KYNU: variants seen among roughly 807,000 people sequenced by gnomAD.
KYNU encodes kynureninase.
A neutral mutation model predicts 59.2 loss-of-function variants in KYNU; 54 were observed. The observed-to-expected ratio is 0.91, with a 90% CI of 0.73 to 1.14. The LOEUF is 1.14. KYNU is among the 50% of genes most tolerant of loss of function. The pLI is 0.00. For synonymous variants in KYNU, 177 were observed against 192.0 expected (o/e 0.92, Z 0.65); for missense variants, 567 against 554.4 (o/e 1.02, Z -0.23).
intron 10 of KYNU, among the ~76,000 whole-genome samples, chr2:143,012,537 A>C (rs1041693758): frequency 1.3e-5 from 2 of 152,012 alleles, no homozygotes; most frequent in African/African-American, 4.8e-5. Context: ...TGGAGTACAA[A>C]GGCCCATGTG....
chr2:143,028,488 C>A (rs538735431), intron 10 of KYNU, among the ~76,000 whole-genome samples: 1 of 149,422 alleles, frequency 6.7e-6, no homozygotes, highest in Non-Finnish European at 1.5e-5. Flanking sequence ...ATGATCCACC[C>A]GCCTTGGCCT....
rs1687286422 is a variant in KYNU at position 143,052,684 on chromosome 2, G to T, written c.*10512G>T. On this transcript the variant is annotated 3_prime_UTR_variant, in exon 14 of 14. Transcript: ENST00000264170. Reference sequence around the variant, plus strand: ...CACAGAAGTCAAGAACTGAGGTTTGGGAACTTACACCAAGATTTCAGAGGA... The same window carrying T: ...CACAGAAGTCAAGAACTGAGGTTTGTGAACTTACACCAAGATTTCAGAGGA... 6.6e-6 allele frequency: 1 copy of T among 152,244 alleles called. No individual in the cohort carries two copies. The highest frequency in any genetic ancestry group is 2.1e-4 in the South Asian group (1 of 4,832). The allele number at this position is 152,244 out of a possible 1,614,324, so 9.4% of individuals were successfully genotyped here.
In KYNU at chr2:142,877,734, C is replaced by G. The variant is rs1041294297; in HGVS notation, c.-22C>G. The G allele has an allele frequency of 6.6e-6, 1 of 152,180 alleles. No homozygotes were observed. The highest frequency in any genetic ancestry group is 6.5e-5 in the Admixed American group (1 of 15,268). 9.4% of individuals were successfully genotyped at this position (152,180 alleles called of 1,614,324 possible). On this transcript the variant is annotated splice_region_variant and 5_prime_UTR_variant, in exon 1 of 14. Transcript: ENST00000264170. ...GCCAAACACTCCATTGGGATCCTAG[C>G]TGGTAAGCTTGAGGCGCTGATAAAA...
chr2:142,905,694 A>ATT (rs1682268921), intron 2 of KYNU, among the ~76,000 whole-genome samples: 1 of 152,108 alleles, frequency 6.6e-6, no homozygotes, highest in South Asian at 2.1e-4. Context: ...TCTAAAGGTT[A>ATT]TTTTTCTACT....
chr2:142,989,586 G>A (rs965122140), intron 10 of KYNU: 6 of 731,250 alleles, frequency 8.2e-6, no homozygotes, highest in African/African-American at 1.9e-5. Context: ...GTATTTTGAA[G>A]TATATATGTT....
chr2:142,978,299 T>C (rs952996979), intron 8 of KYNU, among the ~76,000 whole-genome samples: 2 of 152,174 alleles, frequency 1.3e-5, no homozygotes, highest in African/African-American at 4.8e-5. Context: ...AATTTCCCAT[T>C]ATACTTTTTA....
intron 10 of KYNU, among the ~76,000 whole-genome samples, chr2:142,995,539 T>G (rs1267824630): frequency 1.3e-5 from 2 of 152,154 alleles, no homozygotes; most frequent in Non-Finnish European, 2.9e-5. Context: ...ATGAATATTT[T>G]ATTAAACTAG....
chr2:143,055,330 C>T lies in KYNU; in HGVS notation c.*13158C>T, dbSNP rs1178350715. 3.9e-5 allele frequency: 6 copies of T among 152,074 alleles called. No homozygotes were observed. Among genetic ancestry groups the T allele is most frequent in the Non-Finnish European group, 7.4e-5 (5 of 68,024 alleles). 9.4% of individuals were successfully genotyped at this position (152,074 alleles called of 1,614,324 possible). ...TACTTTTTTTAGATTCTAGAGGCTT[C>T]CCACAATCCTTGGCTTAAGGTCCAT... On this transcript the variant is annotated 3_prime_UTR_variant, in exon 14 of 14. Coordinates refer to ENST00000264170, the MANE Select transcript of KYNU (RefSeq NM_003937.3).
intron 10 of KYNU, among the ~76,000 whole-genome samples, chr2:143,022,244 G>A (rs956642687): frequency 2.6e-4 from 40 of 152,000 alleles, no homozygotes; most frequent in African/African-American, 9.7e-4. Context: ...TAAAACTTAA[G>A]AATAAGAATG....
Position 143,044,166 on chromosome 2 carries a change from C to T in KYNU, c.*1994C>T, listed in dbSNP as rs908707885. 1 of 152,124 alleles carries T rather than the reference C, an allele frequency of 6.6e-6. No homozygotes were observed. The highest frequency in any genetic ancestry group is 1.5e-5 in the Non-Finnish European group (1 of 68,016). The allele number at this position is 152,124 out of a possible 1,614,324, so 9.4% of individuals were successfully genotyped here. The stretch of plus-strand genomic sequence containing the variant: ...CATGTCCCTGCAAAGGACATGAACT[C>T]ATTCTTTTTTATGGCTGCATAGTAT... On this transcript the variant is annotated 3_prime_UTR_variant, in exon 14 of 14. Coordinates refer to ENST00000264170, the MANE Select transcript of KYNU (RefSeq NM_003937.3).
At chr2:142,974,759 G>C (rs1360202126) in intron 8 of KYNU, among the ~76,000 whole-genome samples, 2 of 152,122 alleles carry the variant, frequency 1.3e-5, no homozygotes, top group Non-Finnish European at 2.9e-5. Flanking sequence ...TATACAAATT[G>C]TGATAGCTTG....
intron 8 of KYNU, among the ~76,000 whole-genome samples, chr2:142,980,423 T>C (rs890659096): frequency 3.3e-5 from 5 of 152,050 alleles, no homozygotes; most frequent in Non-Finnish European, 7.4e-5. Context: ...CCTAACTTAC[T>C]AGGAATGCAG....
chr2:142,943,996 T>C (rs1435165832), intron 4 of KYNU, among the ~76,000 whole-genome samples: 1 of 152,152 alleles, frequency 6.6e-6, no homozygotes, highest in Non-Finnish European at 1.5e-5. Context: ...TCATCCCCAC[T>C]TTGCAAGAGA....
intron 10 of KYNU, among the ~76,000 whole-genome samples, chr2:142,996,644 T>TG (rs35162584): frequency 0.26 from 38,917 of 151,942 alleles, 6,693 homozygotes; most frequent in African/African-American, 0.48. Flanking sequence ...GCAGTAACTG[T>TG]GGGTAGCCCT....
intron 10 of KYNU, among the ~76,000 whole-genome samples, chr2:143,005,002 A>C (rs1409641588): frequency 1.3e-5 from 2 of 152,220 alleles, no homozygotes; most frequent in Non-Finnish European, 1.5e-5. Flanking sequence ...CTCTAAATAA[A>C]AACCAACAAA....
chr2:142,975,890 A>G (rs749527425), intron 8 of KYNU, among the ~76,000 whole-genome samples: 1 of 152,126 alleles, frequency 6.6e-6, no homozygotes, highest in African/African-American at 2.4e-5. Context: ...TTTTAATTCA[A>G]TGAGTTCCTT....
chr2:142,884,751 G>C (rs901142734), intron 1 of KYNU, among the ~76,000 whole-genome samples: 2 of 133,682 alleles, frequency 1.5e-5, no homozygotes, highest in Non-Finnish European at 3.1e-5. Context: ...CTGTTACCCA[G>C]GCTGGAGTGC....
intron 10 of KYNU, among the ~76,000 whole-genome samples, chr2:143,012,311 A>G (rs912572049): frequency 1.2e-4 from 18 of 151,846 alleles, no homozygotes; most frequent in African/African-American, 4.3e-4. Context: ...ACATAGCTCC[A>G]TCTCTACTAA....
intron 8 of KYNU, chr2:142,971,150 A>G (rs1684708150): frequency 6.6e-6 from 1 of 152,200 alleles, no homozygotes. Context: ...GTTTGACAAC[A>G]ATGGACCTTC....
Sources: allele counts gnomAD v4.1 joint callset (sites outside exome capture counted in the v4.1 genomes callset), GRCh38; gene constraint gnomAD v4.1.1; transcripts MANE v1.5; gene names NCBI Gene and HGNC (gene_info 2026-07-23, HGNC 2026-07-21).